Variants in ACSBG1 observed in about 807,000 individuals in gnomAD.
ACSBG1 encodes long-chain-fatty-acid--CoA ligase ACSBG1.
Under a neutral mutation model 80.2 loss-of-function variants are expected in ACSBG1, and 39 were observed. The ratio of observed to expected loss-of-function variants is 0.49; its 90% confidence interval spans 0.38 to 0.64. The LOEUF is 0.64. Among genes scored for constraint, ACSBG1 ranks in the 30% least tolerant of loss-of-function variants. The probability of loss-of-function intolerance (pLI) is 0.00; values close to 1 mark genes in which losing one functional copy is unlikely to be tolerated. For missense variants in ACSBG1, 828 were observed against 966.4 expected (o/e 0.86, Z 1.90); for synonymous variants, 392 against 379.5 (o/e 1.03, Z -0.38).
intron 1 of ACSBG1, among the ~76,000 whole-genome samples, chr15:78,227,803 G>A (rs1371588344): frequency 1.3e-5 from 2 of 152,176 alleles, no homozygotes; most frequent in African/African-American, 4.8e-5. Context: ...CTACTGAAAC[G>A]TACAGACGAA....
intron 1 of ACSBG1, among the ~76,000 whole-genome samples, chr15:78,221,202 G>A (rs1205877856): frequency 3.3e-5 from 5 of 152,090 alleles, no homozygotes; most frequent in Admixed American, 1.3e-4. Flanking sequence ...GACCTGCACC[G>A]GCGCCGGTCT....
intron 1 of ACSBG1, among the ~76,000 whole-genome samples, chr15:78,230,697 T>C (rs1433138583): frequency 6.6e-6 from 1 of 152,192 alleles, no homozygotes; most frequent in Non-Finnish European, 1.5e-5. Flanking sequence ...TGAGGATTAT[T>C]ATAAGGGGGA....
Position 78,194,519 on chromosome 15 carries a change from T to G in ACSBG1, c.440A>C (p.Lys147Thr). 6.2e-7 allele frequency: 1 copy of G among 1,614,184 alleles called. No homozygotes were observed. The highest frequency in any genetic ancestry group is 8.5e-7 in the Non-Finnish European group (1 of 1,180,020). ...QYYLLARRAAKGFLKLGLKQA... is the reference protein window; with the variant it reads ...QYYLLARRAATGFLKLGLKQA... The stretch of plus-strand genomic sequence containing the variant: ...GGGCCCCCTTACCTTCAGGAAGCCC[T>G]TGGCGGCTCTGCGGGCGAGCAGGTA... The change falls in exon 3 of 14, where the codon AAG becomes ACG. Residue 147 changes from lysine to threonine, a missense_variant. This residue lies in a region of ACSBG1 where 356 missense variants were observed against 363.5 expected (regional missense o/e 0.98). Coordinates refer to ENST00000258873, the MANE Select transcript of ACSBG1 (RefSeq NM_015162.5).
intron 8 of ACSBG1, among the ~76,000 whole-genome samples, chr15:78,181,729 G>A (rs1349705036): frequency 3.9e-5 from 6 of 152,090 alleles, no homozygotes; most frequent in Non-Finnish European, 7.4e-5. Flanking sequence ...TCCTGACCTC[G>A]TGATGTGCCT....
chr15:78,225,976 T>C (rs1351505948), intron 1 of ACSBG1, among the ~76,000 whole-genome samples: 1 of 152,202 alleles, frequency 6.6e-6, no homozygotes, highest in African/African-American at 2.4e-5. Flanking sequence ...TTGTAGGTTG[T>C]TGTCAATTCC....
At chr15:78,216,959 C>A (rs1344271193) in intron 1 of ACSBG1, among the ~76,000 whole-genome samples, 1 of 152,272 alleles carries the variant, frequency 6.6e-6, no homozygotes, top group African/African-American at 2.4e-5. Context: ...TGGCTTCTAG[C>A]CCAGGCTCTG....
intron 1 of ACSBG1, among the ~76,000 whole-genome samples, chr15:78,215,320 G>A (rs1405826806): frequency 8.2e-6 from 1 of 122,220 alleles, no homozygotes; most frequent in South Asian, 2.4e-4. Context: ...TGTCCTTCAA[G>A]GCTAGCTCTG....
intron 2 of ACSBG1, among the ~76,000 whole-genome samples, chr15:78,200,837 G>A (rs1011489914): frequency 7.2e-5 from 11 of 152,154 alleles, no homozygotes; most frequent in African/African-American, 1.9e-4. Flanking sequence ...CTGCTCAAAA[G>A]CCCCCGATGG....
chr15:78,188,248 G>C (rs2075024010), intron 5 of ACSBG1, among the ~76,000 whole-genome samples: 1 of 151,866 alleles, frequency 6.6e-6, no homozygotes, highest in South Asian at 2.1e-4. Flanking sequence ...TGGCCATACT[G>C]CCCAAGGTAA....
chr15:78,217,710 G>A (rs1230943530), intron 1 of ACSBG1, among the ~76,000 whole-genome samples: 2 of 152,034 alleles, frequency 1.3e-5, no homozygotes, highest in Non-Finnish European at 2.9e-5. Flanking sequence ...GGGATTACAG[G>A]CACACGCCAC....
intron 2 of ACSBG1, among the ~76,000 whole-genome samples, chr15:78,200,959 T>G (rs985020036): frequency 4.6e-5 from 7 of 152,238 alleles, no homozygotes; most frequent in African/African-American, 1.7e-4. Flanking sequence ...ACAGCCAACC[T>G]GAACTGCTCC....
Position 78,178,539 on chromosome 15 carries a change from C to T in ACSBG1, c.1702+75G>A, listed in dbSNP as rs2074906028. On this transcript the variant is annotated intron_variant, in intron 11 of 13. Transcript: ENST00000258873. This position sits in a 1 kb window ranked among gnomAD's most constrained non-coding sequence, Gnocchi z 4.3. The stretch of plus-strand genomic sequence containing the variant: ...GTGGTCTTGAACTCCTGAGCTCAGA[C>T]AATCTGCCCGCCTTGGCCTCCCAAA... 1.3e-5 allele frequency: 19 copies of T among 1,494,496 alleles called. No individual in the cohort carries two copies. In the South Asian group the frequency reaches 2.3e-4, roughly 18 times the overall value. The allele number at this position is 1,494,496 out of a possible 1,614,324, so 92.6% of individuals were successfully genotyped here.
chr15:78,179,826 C>T (rs1396639342), intron 9 of ACSBG1, 46 bp from the exon 10 acceptor site: 1 of 1,287,500 alleles, frequency 7.8e-7, no homozygotes, highest in East Asian at 2.4e-5. Flanking sequence ...CACACACACA[C>T]ACACACACAC....
intron 5 of ACSBG1, among the ~76,000 whole-genome samples, chr15:78,186,272 G>GA (rs2075003567): frequency 1.3e-5 from 2 of 152,290 alleles, no homozygotes; most frequent in South Asian, 4.1e-4. Flanking sequence ...CAACGAGACA[G>GA]AAAGTTAACA....
At chr15:78,204,235 C>T (rs934796731) in intron 2 of ACSBG1, among the ~76,000 whole-genome samples, 4 of 152,258 alleles carry the variant, frequency 2.6e-5, no homozygotes, top group African/African-American at 9.6e-5. Context: ...CGCTTCTCCA[C>T]AGTCATTGTT....
Position 78,194,035 on chromosome 15 carries a change from C to A in ACSBG1, c.454-15G>T, listed in dbSNP as rs748708079. On this transcript the variant is annotated splice_polypyrimidine_tract_variant and intron_variant, in intron 3 of 13. Transcript: ENST00000258873. ...TTCAGGCCGAGCTCCAGGTCAAAGG[C>A]AGACAGGCCAGGTCAGCCGGGCAGG... 1.2e-6 allele frequency: 2 copies of A among 1,613,648 alleles called. No homozygotes were observed.
intron 9 of ACSBG1, 119 bp from the exon 10 acceptor site, chr15:78,179,899 C>T (rs1299527869): frequency 1.2e-6 from 1 of 840,226 alleles, no homozygotes; most frequent in African/African-American, 1.7e-5. Flanking sequence ...CTGGCTCGGC[C>T]ATTCCAGTTG....
At chr15:78,223,976 G>A (rs539709736) in intron 1 of ACSBG1, among the ~76,000 whole-genome samples, 1 of 152,314 alleles carries the variant, frequency 6.6e-6, no homozygotes, top group South Asian at 2.1e-4. Flanking sequence ...GCAGGGAACA[G>A]ATTCTGTCCT....
chr15:78,175,551 T>C (rs1164976210), intron 11 of ACSBG1, among the ~76,000 whole-genome samples: 1 of 152,140 alleles, frequency 6.6e-6, no homozygotes, highest in East Asian at 1.9e-4. Flanking sequence ...GGACAGAAGC[T>C]GAAGCTCACA....
Sources: gnomAD v4.1 joint callset for allele counts (sites outside exome capture counted in the v4.1 genomes callset) on GRCh38, gnomAD v4.1.1 for gene constraint, gnomAD v4.1.1 regional missense constraint, Gnocchi (gnomAD v3.1) non-coding constraint, MANE v1.5 for transcripts, NCBI Gene and HGNC (gene_info 2026-07-23, HGNC 2026-07-21) for gene names.